The following DTNBP1 variants were observed in gnomAD, a reference collection of about 807,000 sequenced individuals.
DTNBP1 encodes dystrobrevin binding protein 1.
DTNBP1 carries 35 observed loss-of-function variants against 42.8 expected under a neutral mutation model. That is an observed-to-expected ratio of 0.82 (90% CI 0.63 to 1.09). DTNBP1 has a LOEUF of 1.09. Among genes scored for constraint, DTNBP1 ranks in the 50% least tolerant of loss-of-function variants. The pLI is 0.00. For missense variants in DTNBP1, 457 were observed against 424.2 expected (o/e 1.08, Z -0.68); for synonymous variants, 171 against 162.2 (o/e 1.05, Z -0.41).
At chr6:15,546,037 T>C (rs1581295300) in intron 7 of DTNBP1, 1 of 448,296 alleles carries the variant, frequency 2.2e-6, no homozygotes, top group Non-Finnish European at 4.4e-6. Flanking sequence ...GCTGGCTGAA[T>C]ATGGATCGGA....
chr6:15,577,980 G>A (rs1775653132), intron 7 of DTNBP1, among the ~76,000 whole-genome samples: 2 of 152,164 alleles, frequency 1.3e-5, no homozygotes, highest in African/African-American at 4.8e-5. Flanking sequence ...CAGGCAAAAG[G>A]GATTAAGGAA....
chr6:15,650,314 C>G (rs749038983), intron 3 of DTNBP1, among the ~76,000 whole-genome samples: 4 of 152,074 alleles, frequency 2.6e-5, no homozygotes, highest in Non-Finnish European at 5.9e-5. Context: ...CTCTTGTTGC[C>G]CAGGCTGGAG....
chr6:15,524,450 T>G (rs763582837), intron 9 of DTNBP1, 76 bp downstream of exon 9: 46 of 1,613,932 alleles, frequency 2.9e-5, no homozygotes, highest in Non-Finnish European at 3.6e-5. Context: ...TGGCAGATGG[T>G]TCTCACGTCT....
At chr6:15,570,440 C>T (rs1055060655) in intron 7 of DTNBP1, among the ~76,000 whole-genome samples, 1 of 152,228 alleles carries the variant, frequency 6.6e-6, no homozygotes, top group African/African-American at 2.4e-5. Flanking sequence ...CACCTCTGTT[C>T]AACTTTGAAA....
chr6:15,659,552 TTTC>T lies in DTNBP1; in HGVS notation c.56+3259_56+3261del, dbSNP rs1360250276. ...TTTCTTTTTTAAGAGATGGGGTTTC[TTTC>T]TTTTTTTTTTTTTTTGAGACGGAGT... On this transcript the variant is annotated intron_variant, in intron 1 of 9. Transcript: ENST00000344537. 5.0e-4 allele frequency among the ~76,000 whole-genome samples: 36 copies of T among 71,726 alleles called. 5 individuals carry two copies. The highest frequency in any genetic ancestry group is 1.6e-3 in the Admixed American group (9 of 5,716). The allele number at this position is 71,726 out of a possible 152,430, so 47.1% of individuals were successfully genotyped here. A position where few individuals can be genotyped will look rare whatever the true frequency, so the allele number is the denominator to read the frequency against.
chr6:15,608,746 T>C (rs1194563988), intron 6 of DTNBP1, among the ~76,000 whole-genome samples: 1 of 152,264 alleles, frequency 6.6e-6, no homozygotes, highest in East Asian at 1.9e-4. Flanking sequence ...CCAGTAAATA[T>C]TCTTAGTAAC....
chr6:15,642,258 C>T (rs1321484711), intron 3 of DTNBP1, among the ~76,000 whole-genome samples: 3 of 152,174 alleles, frequency 2.0e-5, no homozygotes, highest in Admixed American at 6.5e-5. Flanking sequence ...ACCCGCAACC[C>T]GCAGCCAGGA....
chr6:15,607,237 C>T (rs1036160488), intron 6 of DTNBP1, among the ~76,000 whole-genome samples: 5 of 152,016 alleles, frequency 3.3e-5, no homozygotes, highest in African/African-American at 1.2e-4. Context: ...TCTCGAACTC[C>T]TGACTTCAAG....
At chr6:15,523,535 T>G (rs1445121042) in intron 9 of DTNBP1, 1 of 1,271,418 alleles carries the variant, frequency 7.9e-7, no homozygotes, top group Admixed American at 2.9e-5. Flanking sequence ...TGAGGAGCAG[T>G]CCTTGTAACC....
intron 6 of DTNBP1, chr6:15,595,115 C>T (rs1350095588): frequency 1.3e-5 from 6 of 456,454 alleles, no homozygotes; most frequent in Non-Finnish European, 2.2e-5. Flanking sequence ...CCCACAACTC[C>T]ACAACTGTCA....
intron 3 of DTNBP1, among the ~76,000 whole-genome samples, chr6:15,647,236 G>C (rs182531229): frequency 2.3e-4 from 35 of 151,662 alleles, no homozygotes; most frequent in African/African-American, 8.4e-4. Context: ...AGCCAACAAA[G>C]ATGAAAAAAA....
Position 15,587,327 on chromosome 6 carries a change from T to C in DTNBP1, c.511+5732A>G, listed in dbSNP as rs1480393757. ...CATTAAGATGACAATTTTCCCCAAATTGATCTATACATGCAACACAACCAT... is the reference window on the plus strand; with the variant it reads ...CATTAAGATGACAATTTTCCCCAAACTGATCTATACATGCAACACAACCAT... On this transcript the variant is annotated intron_variant, in intron 7 of 9. Coordinates refer to ENST00000344537, the MANE Select transcript of DTNBP1 (RefSeq NM_032122.5). The surrounding 1 kb of genome is among the most constrained non-coding windows in gnomAD (Gnocchi z 4.1). Among the ~76,000 whole-genome samples the C allele has an allele frequency of 6.6e-6, 1 of 152,200 alleles. No individual in the cohort carries two copies. Among genetic ancestry groups the C allele is most frequent in the African/African-American group, 2.4e-5 (1 of 41,456 alleles).
intron 1 of DTNBP1, among the ~76,000 whole-genome samples, chr6:15,661,926 T>A (rs1458984107): frequency 1.3e-5 from 2 of 152,192 alleles, no homozygotes; most frequent in Non-Finnish European, 2.9e-5. Flanking sequence ...AACAGTACAT[T>A]GAGGCAAGGC....
chr6:15,626,373 G>C (rs1050631843), intron 5 of DTNBP1, among the ~76,000 whole-genome samples: 1 of 152,140 alleles, frequency 6.6e-6, no homozygotes, highest in Admixed American at 6.6e-5. Context: ...TATCTATTTT[G>C]TTCACACACA....
chr6:15,621,500 T>C (rs1759038214), intron 5 of DTNBP1, among the ~76,000 whole-genome samples: 2 of 152,210 alleles, frequency 1.3e-5, no homozygotes, highest in African/African-American at 4.8e-5. Context: ...GTGAGTGGTT[T>C]ATCAACCTGG....
chr6:15,570,791 A>C (rs995067500), intron 7 of DTNBP1, among the ~76,000 whole-genome samples: 1 of 152,366 alleles, frequency 6.6e-6, no homozygotes. Flanking sequence ...TTTGATAAAA[A>C]ATAATATTTG....
At chr6:15,564,034 A>AC (rs1324040274) in intron 7 of DTNBP1, among the ~76,000 whole-genome samples, 1 of 148,290 alleles carries the variant, frequency 6.7e-6, no homozygotes, top group East Asian at 2.0e-4. Flanking sequence ...AGGTCATGCC[A>AC]CCGTACTCCA....
intron 7 of DTNBP1, among the ~76,000 whole-genome samples, chr6:15,584,579 T>C (rs1443776976): frequency 6.6e-6 from 1 of 152,010 alleles, no homozygotes. Context: ...TTTGCTATGT[T>C]ATACATACAC....
chr6:15,607,221 G>A (rs1053602308), intron 6 of DTNBP1, among the ~76,000 whole-genome samples: 3 of 151,976 alleles, frequency 2.0e-5, no homozygotes, highest in Admixed American at 6.6e-5. Flanking sequence ...ATGTTGGCCC[G>A]GCTGGTCTCG....
Sources: gnomAD v4.1 joint callset for allele counts (sites outside exome capture counted in the v4.1 genomes callset) on GRCh38, gnomAD v4.1.1 for gene constraint, Gnocchi (gnomAD v3.1) non-coding constraint, MANE v1.5 for transcripts, NCBI Gene and HGNC (gene_info 2026-07-23, HGNC 2026-07-21) for gene names.